MCM2: variants seen among roughly 807,000 people sequenced by gnomAD.
MCM2 encodes minichromosome maintenance complex component 2, also known as DNA replication licensing factor MCM2.
In MCM2, 49 loss-of-function variants were observed where a neutral mutation model predicts 86.4. The observed-to-expected ratio is 0.57, with a 90% confidence interval of 0.45 to 0.72. The LOEUF (loss-of-function observed/expected upper bound fraction) is 0.72. Among genes scored for constraint, MCM2 ranks in the 30% least tolerant of loss-of-function variants. MCM2 has a pLI of 0.00. For synonymous variants in MCM2, 475 were observed against 484.6 expected (o/e 0.98, Z 0.26); for missense variants, 1,038 against 1,259.9 (o/e 0.82, Z 2.67).
chr3:127,617,730 C>T lies in MCM2; in HGVS notation c.1901-239C>T, dbSNP rs1232896602. Reference sequence around the variant, plus strand: ...GCGTAAAAGAACCCAGGCTCTGTCACCCACTGTGTTCTTGGTTTTTCCTCC... The same window carrying T: ...GCGTAAAAGAACCCAGGCTCTGTCATCCACTGTGTTCTTGGTTTTTCCTCC... On this transcript the variant is annotated intron_variant, in intron 11 of 15. Coordinates refer to ENST00000265056, the MANE Select transcript of MCM2 (RefSeq NM_004526.4). This position sits in a 1 kb window ranked among gnomAD's most constrained non-coding sequence, Gnocchi z 4.1. The T allele has an allele frequency of 1.7e-6, 1 of 589,302 alleles. No individual in the cohort carries two copies. The highest frequency in any genetic ancestry group is 1.9e-5 in the African/African-American group (1 of 53,662). 36.5% of individuals were successfully genotyped at this position (589,302 alleles called of 1,614,324 possible). A position where few individuals can be genotyped will look rare whatever the true frequency, so the allele number is the denominator to read the frequency against.
intron 2 of MCM2, among the ~76,000 whole-genome samples, chr3:127,601,189 G>A (rs2074304473): frequency 6.6e-6 from 1 of 152,104 alleles, no homozygotes; most frequent in Non-Finnish European, 1.5e-5. Flanking sequence ...GTGGTTTTAA[G>A]GTCTTTCTGT....
At chr3:127,598,574 G>A (rs1032114378) in intron 1 of MCM2, 102 bp downstream of exon 1, 5 of 1,461,242 alleles carry the variant, frequency 3.4e-6, no homozygotes, top group Non-Finnish European at 4.6e-6. Context: ...CTCTGGGTGA[G>A]GCTGGGCCCC....
In MCM2 at chr3:127,606,114, C is replaced by T. The variant is rs2074345819; in HGVS notation, c.674-4C>T. On this transcript the variant is annotated splice_polypyrimidine_tract_variant and splice_region_variant and intron_variant, in intron 4 of 15. Coordinates refer to ENST00000265056, the MANE Select transcript of MCM2 (RefSeq NM_004526.4). This position sits in a 1 kb window ranked among gnomAD's most constrained non-coding sequence, Gnocchi z 4.2. ...AACTCTCTTCCCACTGTGCCCCCTT[C>T]TAGAGAACCGTGAGAGCCTGGTGGT... The T allele has an allele frequency of 6.2e-7, 1 of 1,612,914 alleles. No individual in the cohort carries two copies. The highest frequency in any genetic ancestry group is 1.7e-5 in the Admixed American group (1 of 60,026).
In MCM2 at chr3:127,617,919, T is replaced by C. The variant is rs1177155172; in HGVS notation, c.1901-50T>C. 8 of 1,426,388 alleles carry C rather than the reference T, an allele frequency of 5.6e-6. No homozygotes were observed. The South Asian group carries it at 9.5e-5, about 17-fold the overall frequency. 88.4% of individuals were successfully genotyped at this position (1,426,388 alleles called of 1,614,324 possible). On this transcript the variant is annotated intron_variant, in intron 11 of 15. Transcript: ENST00000265056. This position sits in a 1 kb window ranked among gnomAD's most constrained non-coding sequence, Gnocchi z 4.1. ...TCAGAGCAGCCTGGGGTCCCTGAGA[T>C]GGGAGGATAGGGGAATCCACCCTGA...
intron 9 of MCM2, 23 bp downstream of exon 9, chr3:127,615,978 CA>C: frequency 6.3e-7 from 1 of 1,580,458 alleles, no homozygotes; most frequent in Non-Finnish European, 8.7e-7. Flanking sequence ...CTTTCCTCTG[CA>C]GGGGTGTTAG....
intron 8 of MCM2, among the ~76,000 whole-genome samples, chr3:127,611,759 C>T (rs1030627699): frequency 5.6e-5 from 6 of 106,962 alleles, no homozygotes; most frequent in South Asian, 3.6e-4. Context: ...AGTGCAGTGG[C>T]GGGATCTCGG....
At chr3:127,604,832 G>A in intron 3 of MCM2, 49 bp downstream of exon 3, 1 of 1,573,410 alleles carries the variant, frequency 6.4e-7, no homozygotes, top group Non-Finnish European at 8.6e-7. Context: ...CTGGGAAGGA[G>A]TCTGGGAGGG....
At chr3:127,598,505 G>C (rs1200869503) in intron 1 of MCM2, 33 bp downstream of exon 1, 2 of 1,609,904 alleles carry the variant, frequency 1.2e-6, no homozygotes, top group Middle Eastern at 1.7e-4. Context: ...GGCGGGCGCC[G>C]GGGACATGGG....
intron 8 of MCM2, among the ~76,000 whole-genome samples, chr3:127,614,533 T>C (rs1404502712): frequency 6.6e-6 from 1 of 152,232 alleles, no homozygotes; most frequent in Non-Finnish European, 1.5e-5. Flanking sequence ...ATTTGTTCTG[T>C]TGAGCCTTGC....
At position 127,617,974 on chromosome 3, in the gene MCM2, C is replaced by T. The variant is rs748740992; in HGVS notation, c.1906C>T (p.Arg636Cys). 8 of 1,612,450 alleles carry T rather than the reference C, an allele frequency of 5.0e-6. No individual in the cohort carries two copies. The highest frequency in any genetic ancestry group is 3.3e-5 in the South Asian group (3 of 90,870). The change falls in exon 12 of 16, where the codon CGC becomes TGC. Residue 636 changes from arginine (R) to cysteine (C), a missense_variant. By Grantham distance (180) the Arg-to-Cys change is radical. Transcript: ENST00000265056. This position sits in a 1 kb window ranked among gnomAD's most constrained non-coding sequence, Gnocchi z 4.1. ...GGTGCTCCCCTGTGTTTCAGGAGGG[C>T]GCTACGACCCCTCGCTGACTTTCTC... The part of the protein sequence containing the change: ...VIAAANPIGG[R>C]YDPSLTFSEN...
Position 127,604,967 on chromosome 3 carries a change from G to A in MCM2, c.484G>A (p.Glu162Lys), listed in dbSNP as rs770294155. The A allele has an allele frequency of 1.7e-5, 28 of 1,613,710 alleles. No homozygotes were observed. Among genetic ancestry groups the A allele is most frequent in the South Asian group, 5.5e-5 (5 of 91,088 alleles). The change falls in exon 4 of 16, where the codon GAG becomes AAG. Residue 162 changes from glutamate to lysine, a missense_variant. Physicochemically the swap from Glu to Lys is moderately conservative, Grantham distance 56. Transcript: ENST00000265056. Reference protein sequence around the residue: ...RQVERATEDGEEDEEMIESIE... With the variant: ...RQVERATEDGKEDEEMIESIE... ...GGTGGAGCGGGCCACGGAGGACGGCGAGGAGGACGAGGAGATGATCGAGAG... is the reference window on the plus strand; with the variant it reads ...GGTGGAGCGGGCCACGGAGGACGGCAAGGAGGACGAGGAGATGATCGAGAG...
chr3:127,610,280 CG>C (rs1457086866), intron 8 of MCM2, among the ~76,000 whole-genome samples: 1 of 152,192 alleles, frequency 6.6e-6, no homozygotes, highest in East Asian at 1.9e-4. Flanking sequence ...TTCCTTCTGA[CG>C]TATGTAAACC....
intron 8 of MCM2, among the ~76,000 whole-genome samples, chr3:127,609,559 T>G (rs1404957955): frequency 6.6e-6 from 1 of 151,940 alleles, no homozygotes; most frequent in East Asian, 1.9e-4. Context: ...CCTCTCACAT[T>G]GGCTTCCCAA....
At chr3:127,613,111 C>T (rs774617215) in intron 8 of MCM2, among the ~76,000 whole-genome samples, 3 of 152,212 alleles carry the variant, frequency 2.0e-5, no homozygotes, top group Admixed American at 1.3e-4. Flanking sequence ...TCCAGTCCCA[C>T]AGGGAAGTCC....
chr3:127,603,405 C>G (rs1168323414), intron 2 of MCM2, among the ~76,000 whole-genome samples: 1 of 152,266 alleles, frequency 6.6e-6, no homozygotes, highest in African/African-American at 2.4e-5. Context: ...TCACTGCAAC[C>G]TCTGCCTCCC....
At position 127,617,692 on chromosome 3, in the gene MCM2, C is replaced by G. The variant is rs2074444006; in HGVS notation, c.1901-277C>G. ...GGCCAGGATGGAGTTGGCTGTTGGT[C>G]TCAGCAGCGAATGCGTAAAAGAACC... On this transcript the variant is annotated intron_variant, in intron 11 of 15. Coordinates refer to ENST00000265056, the MANE Select transcript of MCM2 (RefSeq NM_004526.4). This position sits in a 1 kb window ranked among gnomAD's most constrained non-coding sequence, Gnocchi z 4.1. 3.4e-6 allele frequency: 2 copies of G among 589,612 alleles called. No individual in the cohort carries two copies. The highest frequency in any genetic ancestry group is 6.0e-6 in the Non-Finnish European group (2 of 332,480). The allele number at this position is 589,612 out of a possible 1,614,324, so 36.5% of individuals were successfully genotyped here. A position where few individuals can be genotyped will look rare whatever the true frequency, so the allele number is the denominator to read the frequency against.
chr3:127,611,980 T>A (rs1458932590), intron 8 of MCM2, among the ~76,000 whole-genome samples: 1 of 144,540 alleles, frequency 6.9e-6, no homozygotes, highest in Non-Finnish European at 1.5e-5. Context: ...ATTACAGGCG[T>A]GAGCCACCGC....
intron 8 of MCM2, among the ~76,000 whole-genome samples, chr3:127,609,970 G>A (rs766626075): frequency 3.4e-5 from 5 of 147,210 alleles, no homozygotes; most frequent in Non-Finnish European, 7.4e-5. Flanking sequence ...TCAGCCTCCC[G>A]AGTAGCTGGG....
intron 9 of MCM2, among the ~76,000 whole-genome samples, chr3:127,616,420 C>A (rs1033027107): frequency 6.6e-6 from 1 of 152,170 alleles, no homozygotes; most frequent in Non-Finnish European, 1.5e-5. Flanking sequence ...CATGACTACA[C>A]GTGTTTATTT....
Sources: allele counts gnomAD v4.1 joint callset (sites outside exome capture counted in the v4.1 genomes callset), GRCh38; gene constraint gnomAD v4.1.1; non-coding constraint Gnocchi (gnomAD v3.1); transcripts MANE v1.5; gene names NCBI Gene and HGNC (gene_info 2026-07-23, HGNC 2026-07-21).